FSTL4: variants seen among roughly 807,000 people sequenced by gnomAD.
FSTL4 encodes the protein follistatin like 4, also known as follistatin-related protein 4.
FSTL4 carries 28 observed loss-of-function variants against 78.2 expected under a neutral mutation model. The observed-to-expected ratio is 0.36, with a 90% confidence interval of 0.27 to 0.49. The LOEUF is 0.49. Ranked by LOEUF, FSTL4 falls within the 20% of genes least tolerant of loss-of-function variation. The pLI, the probability that FSTL4 is intolerant of heterozygous loss-of-function variation, is 0.98. For missense variants in FSTL4, 922 were observed against 1,084.9 expected, an observed-to-expected ratio of 0.85 and a Z score of 2.11; for synonymous variants, 422 against 440.5, an observed-to-expected ratio of 0.96 and a Z score of 0.53.
chr5:133,487,417 T>A (rs1244797494), intron 3 of FSTL4, among the ~76,000 whole-genome samples: 1 of 152,198 alleles, frequency 6.6e-6, no homozygotes, highest in Non-Finnish European at 1.5e-5. Context: ...ACTCTGAGGT[T>A]CAGCATCACT....
chr5:133,692,396 G>A, the FSTL4 span, among the ~76,000 whole-genome samples: 1 of 152,290 alleles, frequency 6.6e-6, no homozygotes, highest in African/African-American at 2.4e-5. Context: ...GGTGTGATGT[G>A]ATCAGATCTC....
chr5:133,221,881 C>T (rs1229141844), intron 11 of FSTL4, among the ~76,000 whole-genome samples: 2 of 73,174 alleles, frequency 2.7e-5, no homozygotes, highest in Non-Finnish European at 5.6e-5. Flanking sequence ...GTAGAAAAAT[C>T]TCTTTTCTAG....
chr5:133,792,138 C>T, the FSTL4 span, among the ~76,000 whole-genome samples: 1 of 152,220 alleles, frequency 6.6e-6, no homozygotes, highest in Non-Finnish European at 1.5e-5. Context: ...CCAGAAGGAA[C>T]ATGCTGCCTT....
chr5:133,576,615 T>C (rs540772201), intron 2 of FSTL4, among the ~76,000 whole-genome samples: 1 of 152,248 alleles, frequency 6.6e-6, no homozygotes, highest in African/African-American at 2.4e-5. Flanking sequence ...GCCAGTGTCC[T>C]GAAGATGGGC....
intron 4 of FSTL4, among the ~76,000 whole-genome samples, chr5:133,395,946 T>C (rs1756031623): frequency 6.6e-6 from 1 of 152,202 alleles, no homozygotes; most frequent in Non-Finnish European, 1.5e-5. Context: ...CTCCCCTTGC[T>C]TTTCTACTAA....
chr5:133,221,654 C>G lies in FSTL4; in HGVS notation c.1340-788G>C, dbSNP rs1751108935. 2.0e-5 allele frequency among the ~76,000 whole-genome samples: 3 copies of G among 152,204 alleles called. No homozygotes were observed. In the South Asian group the frequency reaches 6.2e-4, roughly 32 times the overall value. On this transcript the variant is annotated intron_variant, in intron 11 of 15. Coordinates refer to ENST00000265342, the MANE Select transcript of FSTL4 (RefSeq NM_015082.2). ...TCTCTGTGCCAGAGCTGGAGCTAGA[C>G]CCTGGGCCCTGCATTCTGGCCTCTG...
intron 2 of FSTL4, chr5:133,575,102 G>A (rs1007624742): frequency 2.0e-5 from 3 of 152,228 alleles, no homozygotes; most frequent in Admixed American, 6.5e-5. Context: ...AATTACCCAG[G>A]AGTAATCAGA....
At chr5:133,829,680 G>C in the FSTL4 span, among the ~76,000 whole-genome samples, 1 of 152,176 alleles carries the variant, frequency 6.6e-6, no homozygotes. Flanking sequence ...CAGAACTGCT[G>C]GCTCCCAAAT....
At chr5:133,220,701 T>A (rs200675196) in intron 12 of FSTL4, 47 bp downstream of exon 12, 159 of 930,400 alleles carry the variant, frequency 1.7e-4, no homozygotes, top group Non-Finnish European at 2.6e-4. Context: ...ACTTTTAGGA[T>A]TTTGCCTGTG....
intron 13 of FSTL4, among the ~76,000 whole-genome samples, chr5:133,210,591 C>T (rs1447454264): frequency 6.6e-6 from 1 of 151,966 alleles, no homozygotes; most frequent in Admixed American, 6.6e-5. Context: ...CTCCCAGGCT[C>T]AAGAGATTCT....
the FSTL4 span, among the ~76,000 whole-genome samples, chr5:133,701,509 A>ACACACACACACACACAC: frequency 2.3e-5 from 3 of 132,620 alleles, no homozygotes; most frequent in Admixed American, 7.6e-5. Flanking sequence ...ACACACACAC[A>ACACACACACACACACAC]CCCCACAGGC....
the FSTL4 span, among the ~76,000 whole-genome samples, chr5:133,775,941 C>T: frequency 6.6e-6 from 1 of 152,140 alleles, no homozygotes; most frequent in African/African-American, 2.4e-5. Flanking sequence ...TTCCCCACTA[C>T]CTTATATGAA....
At chr5:133,240,942 G>A (rs1751852330) in intron 7 of FSTL4, among the ~76,000 whole-genome samples, 2 of 152,148 alleles carry the variant, frequency 1.3e-5, no homozygotes. Context: ...CTCTTTATTT[G>A]CCTGGGGTCT....
chr5:133,439,128 G>T (rs999403095), intron 3 of FSTL4, among the ~76,000 whole-genome samples: 8 of 152,170 alleles, frequency 5.3e-5, no homozygotes, highest in South Asian at 2.1e-4. Flanking sequence ...GGGCTGTAGG[G>T]ATTTTCTCCC....
At chr5:133,218,253 A>G (rs940037410) in intron 12 of FSTL4, among the ~76,000 whole-genome samples, 2 of 152,192 alleles carry the variant, frequency 1.3e-5, no homozygotes, top group Admixed American at 6.5e-5. Flanking sequence ...ATGTCTCACA[A>G]GTCATTTCAG....
At chr5:133,819,053 C>T in the FSTL4 span, among the ~76,000 whole-genome samples, 4 of 139,496 alleles carry the variant, frequency 2.9e-5, no homozygotes, top group East Asian at 2.0e-4. Context: ...ACATGCCCAC[C>T]GCCCACACAC....
intron 3 of FSTL4, among the ~76,000 whole-genome samples, chr5:133,468,008 C>T (rs1434168848): frequency 6.6e-6 from 1 of 152,198 alleles, no homozygotes; most frequent in African/African-American, 2.4e-5. Flanking sequence ...AGATTCATTC[C>T]AGGTTCATAA....
At chr5:133,590,061 T>A (rs1252934510) in intron 2 of FSTL4, among the ~76,000 whole-genome samples, 2 of 151,984 alleles carry the variant, frequency 1.3e-5, no homozygotes, top group Non-Finnish European at 2.9e-5. Context: ...GAAATTCATA[T>A]TAGGAATGAG....
chr5:133,671,616 C>A, the FSTL4 span, among the ~76,000 whole-genome samples: 6 of 152,200 alleles, frequency 3.9e-5, no homozygotes, highest in Admixed American at 3.9e-4. Context: ...GAGACAGGGT[C>A]ATTTATAACC....
Sources: gnomAD v4.1 joint callset for allele counts (sites outside exome capture counted in the v4.1 genomes callset) on GRCh38, gnomAD v4.1.1 for gene constraint, MANE v1.5 for transcripts, NCBI Gene and HGNC (gene_info 2026-07-23, HGNC 2026-07-21) for gene names.